EXOC2: variants seen among roughly 807,000 people sequenced by gnomAD.
The protein encoded by EXOC2 is SEC5-like 1.
In EXOC2, 70 loss-of-function variants were observed where a neutral mutation model predicts 131.8. The ratio of observed to expected loss-of-function variants is 0.53; its 90% CI spans 0.44 to 0.65. The LOEUF (loss-of-function observed/expected upper bound fraction) is 0.65. Among genes scored for constraint, EXOC2 ranks in the 30% least tolerant of loss-of-function variants. The pLI is 0.00. For missense variants in EXOC2, 923 were observed against 1,108.6 expected (o/e 0.83, Z 2.38); for synonymous variants, 411 against 398.4 (o/e 1.03, Z -0.38).
chr6:681,777 T>A (rs919567283), intron 1 of EXOC2, among the ~76,000 whole-genome samples: 1 of 152,252 alleles, frequency 6.6e-6, no homozygotes, highest in Non-Finnish European at 1.5e-5. Context: ...AGAAATGCAC[T>A]TGGAAATAGG....
At chr6:650,271 C>T (rs1762771044) in intron 1 of EXOC2, among the ~76,000 whole-genome samples, 1 of 152,160 alleles carries the variant, frequency 6.6e-6, no homozygotes, top group Non-Finnish European at 1.5e-5. Flanking sequence ...AACGCTTGTT[C>T]ACTTTTACGC....
chr6:513,986 C>T (rs1336919205), intron 23 of EXOC2, among the ~76,000 whole-genome samples: 1 of 152,194 alleles, frequency 6.6e-6, no homozygotes, highest in African/African-American at 2.4e-5. Flanking sequence ...AGTTTAAGCA[C>T]ATTGATTAGC....
intron 19 of EXOC2, among the ~76,000 whole-genome samples, chr6:555,699 T>A (rs2127574499): frequency 6.6e-6 from 1 of 152,260 alleles, no homozygotes; most frequent in Non-Finnish European, 1.5e-5. Flanking sequence ...TCGAACAGAA[T>A]ACATAGAAAG....
At chr6:567,056 T>C (rs1758003998) in intron 13 of EXOC2, among the ~76,000 whole-genome samples, 1 of 152,218 alleles carries the variant, frequency 6.6e-6, no homozygotes, top group Non-Finnish European at 1.5e-5. Context: ...AAACCACCAC[T>C]GTTTCCTGCC....
rs947716896 is a variant in EXOC2 at position 632,958 on chromosome 6, A to T, written c.278T>A (p.Leu93His). Residue 93 changes from leucine to histidine, a missense_variant, in exon 3 of 28, where the codon CTC becomes CAC. Transcript: ENST00000230449. Reference sequence around the variant, plus strand: ...GACTTTACCTATTTTCTCAGGTTTGAGTAGCTTGAAAGAGACTGTTGAGGT... The same window carrying T: ...GACTTTACCTATTTTCTCAGGTTTGTGTAGCTTGAAAGAGACTGTTGAGGT... ...RGTSTVSFKL[L>H]KPEKIGILDQ... The T allele has an allele frequency of 1.5e-5, 24 of 1,612,290 alleles. No individual in the cohort carries two copies. The South Asian group carries it at 2.4e-4, about 16-fold the overall frequency.
At chr6:645,957 C>G (rs1323499767) in intron 1 of EXOC2, among the ~76,000 whole-genome samples, 1 of 152,190 alleles carries the variant, frequency 6.6e-6, no homozygotes, top group African/African-American at 2.4e-5. Flanking sequence ...CCAAACCAGA[C>G]AATCTGAGAA....
intron 6 of EXOC2, among the ~76,000 whole-genome samples, chr6:615,761 G>T (rs1760968056): frequency 6.6e-6 from 1 of 150,938 alleles, no homozygotes; most frequent in African/African-American, 2.4e-5. Context: ...AACAGGGTAA[G>T]AAAGGTGAGG....
At chr6:647,284 A>T (rs1181441761) in intron 1 of EXOC2, among the ~76,000 whole-genome samples, 1 of 152,020 alleles carries the variant, frequency 6.6e-6, no homozygotes, top group East Asian at 1.9e-4. Context: ...TAGTATTAAA[A>T]CTTAATGAAA....
intron 1 of EXOC2, among the ~76,000 whole-genome samples, chr6:654,894 C>A (rs1312703136): frequency 7.1e-6 from 1 of 141,036 alleles, no homozygotes; most frequent in Non-Finnish European, 1.5e-5. Flanking sequence ...TGAAGAGTTG[C>A]TTCTTATACA....
At chr6:617,869 T>C in intron 5 of EXOC2, 34 bp from the exon 6 acceptor site, 1 of 1,598,678 alleles carries the variant, frequency 6.3e-7, no homozygotes, top group South Asian at 1.1e-5. Context: ...AGTTTGACAC[T>C]TCTAACATGC....
intron 27 of EXOC2, 139 bp from the exon 28 acceptor site, chr6:486,903 T>A (rs1393864943): frequency 3.4e-6 from 2 of 583,618 alleles, no homozygotes; most frequent in Non-Finnish European, 6.0e-6. Context: ...TACCTATGGA[T>A]CCTTAACTCA....
chr6:564,517 C>T, intron 15 of EXOC2, 28 bp downstream of exon 15: 1 of 1,613,098 alleles, frequency 6.2e-7, no homozygotes, highest in Non-Finnish European at 8.5e-7. Flanking sequence ...AGAAGTACGC[C>T]TTTCTCTGAG....
intron 21 of EXOC2, among the ~76,000 whole-genome samples, chr6:551,529 C>T (rs550282860): frequency 6.6e-6 from 1 of 152,164 alleles, no homozygotes; most frequent in Non-Finnish European, 1.5e-5. Context: ...TGAGAGCTGC[C>T]GCGTCACAGG....
At chr6:633,470 C>T (rs1581597150) in intron 2 of EXOC2, among the ~76,000 whole-genome samples, 1 of 152,206 alleles carries the variant, frequency 6.6e-6, no homozygotes, top group Non-Finnish European at 1.5e-5. Flanking sequence ...TTTGAAGTCT[C>T]AGTTATTAAC....
At chr6:605,294 T>C (rs190747653) in intron 7 of EXOC2, among the ~76,000 whole-genome samples, 1 of 152,234 alleles carries the variant, frequency 6.6e-6, no homozygotes, top group Non-Finnish European at 1.5e-5. Context: ...TTCTGTGATA[T>C]CCAAAAACGT....
intron 1 of EXOC2, among the ~76,000 whole-genome samples, chr6:658,730 C>G (rs528473160): frequency 1.4e-5 from 2 of 144,792 alleles, no homozygotes; most frequent in African/African-American, 5.1e-5. Flanking sequence ...GGCGTGATCT[C>G]GGCTCACTGC....
chr6:519,105 C>T (rs1765326767), intron 23 of EXOC2, among the ~76,000 whole-genome samples: 1 of 144,028 alleles, frequency 6.9e-6, no homozygotes, highest in Admixed American at 6.8e-5. Context: ...ACCGTCCACA[C>T]TCGGAGACGA....
chr6:486,788 T>C (rs745358548), intron 27 of EXOC2, 24 bp from the exon 28 acceptor site: 72 of 1,598,774 alleles, frequency 4.5e-5, no homozygotes, highest in Non-Finnish European at 5.9e-5. Flanking sequence ...ACACTTGTTT[T>C]ACAGCCCGAC....
chr6:679,326 G>A (rs1461638790), intron 1 of EXOC2: 2 of 152,082 alleles, frequency 1.3e-5, no homozygotes, highest in African/African-American at 2.4e-5. Flanking sequence ...TCACAAGAGA[G>A]GAGATGCAAC....
Sources: allele counts gnomAD v4.1 joint callset (sites outside exome capture counted in the v4.1 genomes callset), GRCh38; gene constraint gnomAD v4.1.1; transcripts MANE v1.5; gene names NCBI Gene and HGNC (gene_info 2026-07-23, HGNC 2026-07-21).